Variants in ITSN1 observed in about 807,000 individuals in gnomAD.
The protein encoded by ITSN1 is intersectin 1.
Under a neutral mutation model 239.8 loss-of-function variants are expected in ITSN1, and 58 were observed. The observed-to-expected ratio is 0.24, with a 90% CI of 0.20 to 0.30. The LOEUF is 0.30. ITSN1 is among the 10% of genes least tolerant of loss of function. The pLI is 1.00. For missense variants in ITSN1, 1,558 were observed against 2,103.3 expected (o/e 0.74, Z 5.07); for synonymous variants, 780 against 770.8 (o/e 1.01, Z -0.20).
intron 1 of ITSN1, among the ~76,000 whole-genome samples, chr21:33,689,894 G>T (rs1315444363): frequency 6.6e-6 from 1 of 151,542 alleles, no homozygotes; most frequent in African/African-American, 2.4e-5. Flanking sequence ...CTTGAAATCG[G>T]GAGGTGGAGG....
At chr21:33,871,496 C>A (rs1982727912) in intron 33 of ITSN1, among the ~76,000 whole-genome samples, 1 of 151,494 alleles carries the variant, frequency 6.6e-6, no homozygotes, top group African/African-American at 2.4e-5. Context: ...GTAATCCCAG[C>A]ACTTTGGGAG....
chr21:33,746,568 C>T (rs112316620), intron 5 of ITSN1, among the ~76,000 whole-genome samples: 6 of 152,346 alleles, frequency 3.9e-5, no homozygotes, highest in African/African-American at 1.4e-4. Context: ...TGGCCGGCCA[C>T]AGTGGCTCAC....
chr21:33,749,678 A>G (rs1208567214), intron 5 of ITSN1, among the ~76,000 whole-genome samples: 1 of 152,044 alleles, frequency 6.6e-6, no homozygotes, highest in Non-Finnish European at 1.5e-5. Context: ...AAGAAAATGA[A>G]TAAAGATGCT....
intron 34 of ITSN1, among the ~76,000 whole-genome samples, chr21:33,880,107 G>A (rs182546504): frequency 5.4e-4 from 83 of 152,340 alleles, no homozygotes; most frequent in African/African-American, 1.9e-3. Flanking sequence ...CATGGTGATG[G>A]GAAGGGGATG....
chr21:33,838,805 T>C (rs908301779), intron 29 of ITSN1, among the ~76,000 whole-genome samples: 2 of 152,216 alleles, frequency 1.3e-5, no homozygotes, highest in African/African-American at 4.8e-5. Flanking sequence ...TGTCGACACA[T>C]TGAGGGTGTG....
chr21:33,665,202 G>A (rs1424227231), intron 1 of ITSN1, among the ~76,000 whole-genome samples: 1 of 152,146 alleles, frequency 6.6e-6, no homozygotes, highest in African/African-American at 2.4e-5. Context: ...GGTGGAGGTT[G>A]CAGTGAGCCA....
Position 33,882,148 on chromosome 21 carries a change from C to G in ITSN1, c.4342-95C>G, listed in dbSNP as rs1479468617. 1 of 1,053,144 alleles carries G rather than the reference C, an allele frequency of 9.5e-7. No homozygotes were observed. Among genetic ancestry groups the G allele is most frequent in the African/African-American group, 1.6e-5 (1 of 62,912 alleles). The allele number at this position is 1,053,144 out of a possible 1,614,324, so 65.2% of individuals were successfully genotyped here. On this transcript the variant is annotated intron_variant, in intron 34 of 39. Transcript: ENST00000381318. This position sits in a 1 kb window ranked among gnomAD's most constrained non-coding sequence, Gnocchi z 4.5. Reference sequence around the variant, plus strand: ...CTTGACTTTTGCCTGAGATCCGAGTCTGCTGGGGCCTGGCCTCTGATTCTG... The same window carrying G: ...CTTGACTTTTGCCTGAGATCCGAGTGTGCTGGGGCCTGGCCTCTGATTCTG...
intron 1 of ITSN1, among the ~76,000 whole-genome samples, chr21:33,679,301 A>G (rs568047286): frequency 6.6e-6 from 1 of 152,276 alleles, no homozygotes; most frequent in East Asian, 1.9e-4. Context: ...GTTCTAGTTG[A>G]TGATGTCTGT....
chr21:33,865,656 A>T lies in ITSN1; in HGVS notation c.4074+322A>T, dbSNP rs1981437179. On this transcript the variant is annotated intron_variant, in intron 32 of 39. Coordinates refer to ENST00000381318, the MANE Select transcript of ITSN1 (RefSeq NM_003024.3). This position sits in a 1 kb window ranked among gnomAD's most constrained non-coding sequence, Gnocchi z 4.4. ...CATTTGCAAGGCCCAGGCAGGTCTT[A>T]GATTTCCTCTTGTGTTTAATCGCCA... 6.6e-6 allele frequency among the ~76,000 whole-genome samples: 1 copy of T among 152,264 alleles called. No homozygotes were observed. The highest frequency in any genetic ancestry group is 1.5e-5 in the Non-Finnish European group (1 of 68,046).
At position 33,680,674 on chromosome 21, in the gene ITSN1, T is replaced by C. The variant is rs897421037; in HGVS notation, c.-33+37961T>C. On this transcript the variant is annotated intron_variant, in intron 1 of 39. Coordinates refer to ENST00000381318, the MANE Select transcript of ITSN1 (RefSeq NM_003024.3). Reference sequence around the variant, plus strand: ...ATTTTTCTTTAAGGAAGGTTCCAAATGTCTGAAGTCCACCAAATGTCTGAA... The same window carrying C: ...ATTTTTCTTTAAGGAAGGTTCCAAACGTCTGAAGTCCACCAAATGTCTGAA... 3.8e-5 allele frequency among the ~76,000 whole-genome samples: 3 copies of C among 78,604 alleles called. No homozygotes were observed. The Admixed American group carries it at 4.3e-4, about 11-fold the overall frequency. 51.6% of individuals were successfully genotyped at this position (78,604 alleles called of 152,430 possible).
At chr21:33,802,241 T>C (rs1276339274) in intron 19 of ITSN1, among the ~76,000 whole-genome samples, 189 bp from the exon 20 acceptor site, 2 of 152,178 alleles carry the variant, frequency 1.3e-5, no homozygotes, top group Non-Finnish European at 2.9e-5. Context: ...AATGAGAAAG[T>C]GTTGCTCTTT....
chr21:33,765,700 C>T (rs1347630979), intron 9 of ITSN1, among the ~76,000 whole-genome samples, 175 bp from the exon 10 acceptor site: 1 of 152,134 alleles, frequency 6.6e-6, no homozygotes, highest in African/African-American at 2.4e-5. Context: ...GTCCCAACTA[C>T]CTGTAATTTT....
At chr21:33,727,329 G>C (rs1391076605) in intron 4 of ITSN1, among the ~76,000 whole-genome samples, 10 of 152,088 alleles carry the variant, frequency 6.6e-5, no homozygotes, top group Admixed American at 6.5e-4. Flanking sequence ...AAGAGACGGG[G>C]TGAAGAGGCT....
intron 29 of ITSN1, among the ~76,000 whole-genome samples, chr21:33,849,959 G>C (rs904244657): frequency 1.1e-4 from 17 of 152,194 alleles, no homozygotes; most frequent in African/African-American, 3.4e-4. Flanking sequence ...GTGAGAGCAG[G>C]AAGTCAGGGG....
At chr21:33,832,984 G>T (rs1018298721) in intron 27 of ITSN1, among the ~76,000 whole-genome samples, 4 of 151,858 alleles carry the variant, frequency 2.6e-5, no homozygotes, top group Admixed American at 2.0e-4. Flanking sequence ...TGGCTGTTTC[G>T]ATCAGAGCCT....
At position 33,877,033 on chromosome 21, in the gene ITSN1, T is replaced by C. The variant is rs950604365; in HGVS notation, c.4341+1512T>C. Among the ~76,000 whole-genome samples the C allele has an allele frequency of 6.0e-5, 9 of 150,504 alleles. No homozygotes were observed. The South Asian group carries it at 1.9e-3, about 32-fold the overall frequency. On this transcript the variant is annotated intron_variant, in intron 34 of 39. Coordinates refer to ENST00000381318, the MANE Select transcript of ITSN1 (RefSeq NM_003024.3). The stretch of plus-strand genomic sequence containing the variant: ...ACGATTTTTGACTGTGAACTAAATG[T>C]TCCTTAGAACTTTACCTGTGGGCAC...
chr21:33,886,905 G>A (rs1265251210), intron 39 of ITSN1, among the ~76,000 whole-genome samples: 1 of 152,198 alleles, frequency 6.6e-6, no homozygotes, highest in African/African-American at 2.4e-5. Context: ...AGTAGGCAAA[G>A]GGATGCAGTC....
In ITSN1 at chr21:33,875,497, C is replaced by T. The variant is rs192997882; in HGVS notation, c.4317C>T (p.His1439=). Residue 1439 remains histidine, a synonymous_variant, in exon 34 of 40, where the codon CAC becomes CAT. Transcript: ENST00000381318. ...NSDRLEWIQA[H]VQCEGLSEQL... ...ACCGGCTGGAGTGGATCCAGGCCCA[C>T]GTGCAGTGTGAAGGCCTGTCTGAGG... 70 of 1,614,118 alleles carry T rather than the reference C, an allele frequency of 4.3e-5. No homozygotes were observed. The highest frequency in any genetic ancestry group is 1.1e-4 in the South Asian group (10 of 91,080).
chr21:33,682,276 C>T lies in ITSN1; in HGVS notation c.-32-36521C>T, dbSNP rs551845351. ...TGTTGCCCAGGCTGGAGTGCAATGG[C>T]GCAATCTCAGCTCACCGCAACCTCT... is the stretch of plus-strand genomic sequence containing the variant. On this transcript the variant is annotated intron_variant, in intron 1 of 39. Coordinates refer to ENST00000381318, the MANE Select transcript of ITSN1 (RefSeq NM_003024.3). 6.8e-5 allele frequency among the ~76,000 whole-genome samples: 10 copies of T among 146,056 alleles called. 1 individual carries two copies. The South Asian group carries it at 1.1e-3, about 16-fold the overall frequency.
Sources: allele counts gnomAD v4.1 joint callset (sites outside exome capture counted in the v4.1 genomes callset), GRCh38; gene constraint gnomAD v4.1.1; non-coding constraint Gnocchi (gnomAD v3.1); transcripts MANE v1.5; gene names NCBI Gene and HGNC (gene_info 2026-07-23, HGNC 2026-07-21).